Variants in PLXNA4 observed in about 807,000 individuals in gnomAD.
The protein encoded by PLXNA4 is plexin A4, also known as plexin-A4.
In PLXNA4, 44 loss-of-function variants were observed where a neutral mutation model predicts 191.8. The ratio of observed to expected loss-of-function variants is 0.23; its 90% confidence interval spans 0.18 to 0.29. The LOEUF (loss-of-function observed/expected upper bound fraction) is 0.29. Ranked by LOEUF, PLXNA4 falls within the 10% of genes least tolerant of loss-of-function variation. PLXNA4 has a pLI of 1.00. For missense variants in PLXNA4, 1,800 were observed against 2,488.8 expected (o/e 0.72, Z 5.89); for synonymous variants, 1,082 against 1,009.5 (o/e 1.07, Z -1.36).
At chr7:132,362,900 T>C (rs1435420540) in intron 3 of PLXNA4, among the ~76,000 whole-genome samples, 3 of 152,268 alleles carry the variant, frequency 2.0e-5, no homozygotes, top group Non-Finnish European at 4.4e-5. Context: ...CTTGCCATTT[T>C]AGCTATTTTT....
intron 2 of PLXNA4, among the ~76,000 whole-genome samples, chr7:132,503,826 A>G (rs1472974290): frequency 6.6e-6 from 1 of 151,974 alleles, no homozygotes; most frequent in Non-Finnish European, 1.5e-5. Flanking sequence ...CCCCCCTCAT[A>G]CCCATGTCCT....
intron 1 of PLXNA4, among the ~76,000 whole-genome samples, chr7:132,521,547 C>T (rs1485426374): frequency 6.6e-6 from 1 of 152,126 alleles, no homozygotes; most frequent in South Asian, 2.1e-4. Context: ...AGAAGATGTG[C>T]AGTTTCTGGC....
In PLXNA4 at chr7:132,202,635, C is replaced by T. The variant is rs1373991710; in HGVS notation, c.2586+11G>A. ...TGCCCATTTGGAGCAGGAGGCCCGA[C>T]CCCGGCTTACCTCTGTGATGCGGGG... On this transcript the variant is annotated intron_variant, in intron 12 of 31. Transcript: ENST00000321063. The T allele has an allele frequency of 2.1e-6, 3 of 1,461,534 alleles. No homozygotes were observed. The African/African-American group carries it at 4.3e-5, about 21-fold the overall frequency. 90.5% of individuals were successfully genotyped at this position (1,461,534 alleles called of 1,614,324 possible). A position where few individuals can be genotyped will look rare whatever the true frequency, so the allele number is the denominator to read the frequency against.
intron 3 of PLXNA4, among the ~76,000 whole-genome samples, chr7:132,311,650 T>A (rs576104559): frequency 3.3e-4 from 51 of 152,246 alleles, no homozygotes; most frequent in African/African-American, 1.2e-3. Flanking sequence ...CCACCCCTTA[T>A]TGAATCCTTC....
chr7:132,246,576 T>C (rs889318947), intron 4 of PLXNA4, among the ~76,000 whole-genome samples: 1 of 152,292 alleles, frequency 6.6e-6, no homozygotes, highest in African/African-American at 2.4e-5. Flanking sequence ...GTATTTTTCA[T>C]TCACAGTTAT....
intron 4 of PLXNA4, 102 bp from the exon 5 acceptor site, chr7:132,241,268 TG>T: frequency 2.5e-6 from 2 of 792,448 alleles, no homozygotes; most frequent in Non-Finnish European, 4.0e-6. Flanking sequence ...TCACCTGAAA[TG>T]TTGCAGGAGC....
intron 3 of PLXNA4, among the ~76,000 whole-genome samples, chr7:132,347,092 A>G (rs982003491): frequency 2.6e-5 from 4 of 152,192 alleles, no homozygotes; most frequent in African/African-American, 7.2e-5. Flanking sequence ...ATAATTAGCT[A>G]ATACAATAAG....
At chr7:132,189,008 GAGAGAGAGAGAGAGAGAGAGAA>G (rs1300414527) in intron 14 of PLXNA4, among the ~76,000 whole-genome samples, 892 of 79,242 alleles carry the variant, frequency 0.011, 19 homozygotes, top group African/African-American at 0.02. Flanking sequence ...GAGAGAGAGA[GAGAGAGAGAGAGAGAGAGAGAA>G]AGAGAGAGAG....
chr7:132,506,124 G>A (rs560527677), intron 2 of PLXNA4, among the ~76,000 whole-genome samples: 1 of 152,186 alleles, frequency 6.6e-6, no homozygotes, highest in Non-Finnish European at 1.5e-5. Flanking sequence ...AGCTGGCCCA[G>A]TGCCTGGAAG....
intron 4 of PLXNA4, among the ~76,000 whole-genome samples, chr7:132,287,691 C>A (rs1800734268): frequency 6.6e-6 from 1 of 152,156 alleles, no homozygotes; most frequent in African/African-American, 2.4e-5. Context: ...ACACCAGTGA[C>A]CATGTAGAAA....
chr7:132,604,148 C>T (rs191066427), intron 2 of PLXNA4, among the ~76,000 whole-genome samples: 3 of 152,084 alleles, frequency 2.0e-5, no homozygotes, highest in Admixed American at 6.5e-5. Context: ...TGTGTTCTGG[C>T]GGGGGGCACC....
At chr7:132,483,758 A>ACTAT (rs1797432382) in intron 3 of PLXNA4, among the ~76,000 whole-genome samples, 1 of 152,232 alleles carries the variant, frequency 6.6e-6, no homozygotes, top group African/African-American at 2.4e-5. Context: ...CTCATTTAAG[A>ACTAT]CTATCTCTTT....
intron 4 of PLXNA4, among the ~76,000 whole-genome samples, chr7:132,282,610 GAAAAAAAAAAAAAAAAAAAAAAAAAAAAA>G (rs771817796): frequency 1.6e-3 from 71 of 44,832 alleles, no homozygotes; most frequent in South Asian, 5.6e-3. Flanking sequence ...CCTTGTCTCA[GAAAAAAAAAAAAAAAAAAAAAAAAAAAAA>G]AAAAAAAAAA....
rs71529762 is a variant in PLXNA4 at position 132,445,157 on chromosome 7, G to GAAAAAAAAAAA, written c.1371+44124_1371+44134dup. ...GTGACAGAGCAAGACTCCATCTCAG[G>GAAAAAAAAAAA]AAAAAAAAAAAAAAAAAAAAAAAAA... On this transcript the variant is annotated intron_variant, in intron 3 of 31. Coordinates refer to ENST00000321063, the MANE Select transcript of PLXNA4 (RefSeq NM_020911.2). Among the ~76,000 whole-genome samples the GAAAAAAAAAAA allele has an allele frequency of 2.0e-4, 11 of 53,796 alleles. No homozygotes were observed. In the East Asian group the frequency reaches 7.4e-3, roughly 36 times the overall value. 35.3% of individuals were successfully genotyped at this position (53,796 alleles called of 152,430 possible). A position where few individuals can be genotyped will look rare whatever the true frequency, so the allele number is the denominator to read the frequency against.
At chr7:132,600,420 G>C (rs564579948) in intron 2 of PLXNA4, among the ~76,000 whole-genome samples, 1 of 152,318 alleles carries the variant, frequency 6.6e-6, no homozygotes, top group South Asian at 2.1e-4. Context: ...CTGGAGTGCA[G>C]TGGTGTGAGC....
chr7:132,296,138 G>A (rs1801070249), intron 4 of PLXNA4, among the ~76,000 whole-genome samples: 1 of 152,150 alleles, frequency 6.6e-6, no homozygotes. Context: ...TGGGTGGCAG[G>A]CCAGTCTCCA....
intron 1 of PLXNA4, among the ~76,000 whole-genome samples, chr7:132,555,776 G>C (rs978586991): frequency 6.6e-6 from 1 of 152,204 alleles, no homozygotes; most frequent in African/African-American, 2.4e-5. Context: ...CCTTACCCAA[G>C]GATGGTTAGT....
At chr7:132,426,222 G>A (rs914449596) in intron 3 of PLXNA4, among the ~76,000 whole-genome samples, 1 of 152,192 alleles carries the variant, frequency 6.6e-6, no homozygotes, top group Non-Finnish European at 1.5e-5. Context: ...ATCCTGCAGA[G>A]CCCACCGCCA....
chr7:132,246,805 A>C (rs76168623), intron 4 of PLXNA4, among the ~76,000 whole-genome samples: 2,857 of 147,432 alleles, frequency 0.019, 46 homozygotes, highest in Non-Finnish European at 0.026. Flanking sequence ...CATCATCATC[A>C]TCCTCATCAT....
Sources: allele counts gnomAD v4.1 joint callset (sites outside exome capture counted in the v4.1 genomes callset), GRCh38; gene constraint gnomAD v4.1.1; transcripts MANE v1.5; gene names NCBI Gene and HGNC (gene_info 2026-07-23, HGNC 2026-07-21).